The following ARHGAP12 variants were observed in gnomAD, a reference collection of about 807,000 sequenced individuals.
ARHGAP12 encodes the protein rho GTPase-activating protein 12.
Under a neutral mutation model 108.6 loss-of-function variants are expected in ARHGAP12, and 64 were observed. That is an observed-to-expected ratio of 0.59 (90% CI 0.48 to 0.73). ARHGAP12 has a LOEUF of 0.73. Ranked by LOEUF, ARHGAP12 falls within the 30% of genes least tolerant of loss-of-function variation. The pLI is 0.00. For synonymous variants in ARHGAP12, 312 were observed against 337.2 expected, an observed-to-expected ratio of 0.93 and a Z score of 0.82; for missense variants, 940 against 1,005.9, an observed-to-expected ratio of 0.93 and a Z score of 0.89.
chr10:31,807,680 A>ATCTTCCAGAC lies in ARHGAP12; in HGVS notation c.2518_2519insGTCTGGAAGA (p.Leu840ArgfsTer43). 6.2e-7 allele frequency: 1 copy of ATCTTCCAGAC among 1,602,328 alleles called. No homozygotes were observed. Among genetic ancestry groups the ATCTTCCAGAC allele is most frequent in the African/African-American group, 1.3e-5 (1 of 74,326 alleles). On this transcript the variant is annotated frameshift_variant, in exon 20 of 20. Coordinates refer to ENST00000344936, the MANE Select transcript of ARHGAP12 (RefSeq NM_018287.7). LOFTEE classifies it high-confidence loss of function. ...GAATCAACGTCCGAAGATGGAACTCAGTTCCAGAAGAATTAATTCTACAAT... is the reference window on the plus strand; with the variant it reads ...GAATCAACGTCCGAAGATGGAACTCATCTTCCAGACGTTCCAGAAGAATTAATTCTACAAT...
intron 3 of ARHGAP12, among the ~76,000 whole-genome samples, chr10:31,898,547 G>A (rs1010973892): frequency 6.6e-6 from 1 of 152,150 alleles, no homozygotes; most frequent in Non-Finnish European, 1.5e-5. Flanking sequence ...ACCGCACCTG[G>A]CCCAACTGCA....
intron 3 of ARHGAP12, among the ~76,000 whole-genome samples, chr10:31,865,877 C>CAA (rs34210099): frequency 0.014 from 1,841 of 127,774 alleles, 38 homozygotes; most frequent in African/African-American, 0.052. Context: ...GACTCCGTCT[C>CAA]AAAAAAAAAA....
At chr10:31,814,117 C>T in intron 14 of ARHGAP12, 142 bp downstream of exon 14, 1 of 665,368 alleles carries the variant, frequency 1.5e-6, no homozygotes, top group East Asian at 2.6e-5. Context: ...AGCGCTGACA[C>T]ACTGAGACTG....
intron 1 of ARHGAP12, among the ~76,000 whole-genome samples, chr10:31,927,481 C>G (rs1280760379): frequency 1.3e-5 from 2 of 152,176 alleles, no homozygotes; most frequent in African/African-American, 2.4e-5. Context: ...GAACCTGAAT[C>G]AGAACCCGAG....
intron 9 of ARHGAP12, among the ~76,000 whole-genome samples, chr10:31,832,404 C>T (rs1835865810): frequency 1.3e-5 from 2 of 152,122 alleles, no homozygotes; most frequent in Non-Finnish European, 1.5e-5. Context: ...ATTTATTAGC[C>T]AGCTGATGTC....
chr10:31,918,516 A>G (rs1839658978), intron 1 of ARHGAP12, among the ~76,000 whole-genome samples: 1 of 152,130 alleles, frequency 6.6e-6, no homozygotes. Flanking sequence ...CAGCCTGAGT[A>G]ACATAACGAG....
intron 7 of ARHGAP12, among the ~76,000 whole-genome samples, chr10:31,841,945 TA>T (rs1028145641): frequency 9.9e-5 from 15 of 151,882 alleles, no homozygotes; most frequent in African/African-American, 3.6e-4. Context: ...AGGTAGAGGG[TA>T]AAAAAGACAT....
Position 31,861,429 on chromosome 10 carries a change from C to T in ARHGAP12, c.914G>A (p.Ser305Asn). 1 of 1,613,988 alleles carries T rather than the reference C, an allele frequency of 6.2e-7. No homozygotes were observed. Among genetic ancestry groups the T allele is most frequent in the Non-Finnish European group, 8.5e-7 (1 of 1,179,950 alleles). ...PPRWTRDASI[S>N]KGDFQNPGDQ... ...CCCTGGATTTTGGAAATCTCCTTTG[C>T]TGATGCTTGCATCCCGAGTCCAACG... The change falls in exon 4 of 20, where the codon AGC becomes AAC. Residue 305 changes from serine (S) to asparagine (N), a missense_variant. Physicochemically the swap from Ser to Asn is conservative, Grantham distance 46 (BLOSUM62 1). Coordinates refer to ENST00000344936, the MANE Select transcript of ARHGAP12 (RefSeq NM_018287.7).
At chr10:31,926,920 ATAAC>A (rs759635397) in intron 1 of ARHGAP12, among the ~76,000 whole-genome samples, 13 of 152,386 alleles carry the variant, frequency 8.5e-5, no homozygotes, top group East Asian at 1.9e-4. Flanking sequence ...TAATATATAT[ATAAC>A]TAACTATACA....
chr10:31,872,112 T>G (rs956601610), intron 3 of ARHGAP12, among the ~76,000 whole-genome samples: 4 of 152,230 alleles, frequency 2.6e-5, no homozygotes, highest in African/African-American at 9.6e-5. Context: ...CTCTTCATCT[T>G]CAGAGCCTAG....
chr10:31,807,563 T>C lies in ARHGAP12; in HGVS notation c.*95A>G, dbSNP rs1156645872. 13 of 1,293,854 alleles carry C rather than the reference T, an allele frequency of 1.0e-5. No homozygotes were observed. Among genetic ancestry groups the C allele is most frequent in the Non-Finnish European group, 1.4e-5 (13 of 959,290 alleles). 80.1% of individuals were successfully genotyped at this position (1,293,854 alleles called of 1,614,324 possible). A position where few individuals can be genotyped will look rare whatever the true frequency, so the allele number is the denominator to read the frequency against. On this transcript the variant is annotated 3_prime_UTR_variant, in exon 20 of 20. Coordinates refer to ENST00000344936, the MANE Select transcript of ARHGAP12 (RefSeq NM_018287.7). ...AAAAAAAAAGTGCAAAATCAAAGAGTCACTGCTTGGTCCAAAAAATAAAAT... is the reference window on the plus strand; with the variant it reads ...AAAAAAAAAGTGCAAAATCAAAGAGCCACTGCTTGGTCCAAAAAATAAAAT...
intron 14 of ARHGAP12, among the ~76,000 whole-genome samples, chr10:31,813,893 CT>C (rs935754354): frequency 1.2e-4 from 18 of 152,124 alleles, no homozygotes; most frequent in Non-Finnish European, 2.4e-4. Flanking sequence ...TATTCCATGA[CT>C]TTTGACTTCT....
chr10:31,876,228 T>C (rs1398755040), intron 3 of ARHGAP12, among the ~76,000 whole-genome samples: 1 of 151,972 alleles, frequency 6.6e-6, no homozygotes, highest in Non-Finnish European at 1.5e-5. Flanking sequence ...ATAAAAAAAA[T>C]AACATCAGGC....
intron 1 of ARHGAP12, among the ~76,000 whole-genome samples, chr10:31,925,474 A>T (rs534299676): frequency 1.3e-5 from 2 of 152,320 alleles, no homozygotes; most frequent in East Asian, 3.9e-4. Flanking sequence ...CATTTGTCAT[A>T]TTCAATCAAC....
At chr10:31,919,635 A>T (rs1839704798) in intron 1 of ARHGAP12, among the ~76,000 whole-genome samples, 1 of 151,508 alleles carries the variant, frequency 6.6e-6, no homozygotes, top group Middle Eastern at 3.4e-3. Flanking sequence ...CTAAAAATGC[A>T]AAAAAATTAG....
intron 1 of ARHGAP12, among the ~76,000 whole-genome samples, chr10:31,914,906 T>TA (rs1216122486): frequency 1.5e-4 from 23 of 152,182 alleles, no homozygotes; most frequent in African/African-American, 5.6e-4. Flanking sequence ...CATTAAAGGA[T>TA]AAAGTGTATA....
intron 11 of ARHGAP12, among the ~76,000 whole-genome samples, chr10:31,823,979 C>T (rs1439858337): frequency 6.6e-6 from 1 of 152,080 alleles, no homozygotes; most frequent in Non-Finnish European, 1.5e-5. Context: ...TTTAACATTC[C>T]TTTCAATAAT....
chr10:31,859,238 C>T (rs1285383039), intron 4 of ARHGAP12, among the ~76,000 whole-genome samples: 1 of 152,194 alleles, frequency 6.6e-6, no homozygotes, highest in Admixed American at 6.5e-5. Flanking sequence ...AAGACACAGA[C>T]AGCCCTTACC....
At chr10:31,880,278 G>A (rs1837891981) in intron 3 of ARHGAP12, among the ~76,000 whole-genome samples, 1 of 152,120 alleles carries the variant, frequency 6.6e-6, no homozygotes, top group Non-Finnish European at 1.5e-5. Flanking sequence ...ATGTAATGGT[G>A]CTCTTAAAGT....
Sources: allele counts gnomAD v4.1 joint callset (sites outside exome capture counted in the v4.1 genomes callset), GRCh38; gene constraint gnomAD v4.1.1; transcripts MANE v1.5; gene names NCBI Gene and HGNC (gene_info 2026-07-23, HGNC 2026-07-21).